The following UFD1 variants were observed in gnomAD, a reference collection of about 807,000 sequenced individuals.
UFD1 encodes the protein ubiquitin recognition factor in ER-associated degradation protein 1.
UFD1 carries 13 observed loss-of-function variants against 45.9 expected under a neutral mutation model. That is an observed-to-expected ratio of 0.28 (90% CI 0.18 to 0.45). UFD1 has a LOEUF of 0.45. Ranked by LOEUF, UFD1 falls within the 20% of genes least tolerant of loss-of-function variation. The pLI, the probability that UFD1 is intolerant of heterozygous loss-of-function variation, is 1.00. For missense variants in UFD1, 218 were observed against 389.2 expected, an observed-to-expected ratio of 0.56 and a Z score of 3.70; for synonymous variants, 128 against 139.2, an observed-to-expected ratio of 0.92 and a Z score of 0.56.
At chr22:19,468,902 A>C (rs566887835) in intron 4 of UFD1, among the ~76,000 whole-genome samples, 3 of 152,286 alleles carry the variant, frequency 2.0e-5, no homozygotes, top group African/African-American at 7.2e-5. Flanking sequence ...TTTAACAGCC[A>C]AGGGAAAAGG....
intron 6 of UFD1, among the ~76,000 whole-genome samples, chr22:19,460,246 A>G (rs1293436903): frequency 6.6e-6 from 1 of 152,178 alleles, no homozygotes. Context: ...TGTTAATGAC[A>G]CTACTATAAA....
chr22:19,453,819 G>T, intron 11 of UFD1: 8 of 985,528 alleles, frequency 8.1e-6, no homozygotes, highest in Non-Finnish European at 9.6e-6. Context: ...GTAGCAGCTG[G>T]TCCTGAATGG....
intron 1 of UFD1, chr22:19,478,712 C>T (rs13447177): frequency 0.094 from 17,922 of 190,954 alleles, 675 homozygotes; most frequent in Admixed American, 0.13. Context: ...ACGGATTCTC[C>T]CTGGGGAGCG....
intron 2 of UFD1, 84 bp from the exon 3 acceptor site, chr22:19,475,184 A>C (rs1457762572): frequency 7.2e-7 from 1 of 1,394,012 alleles, no homozygotes; most frequent in Admixed American, 2.2e-5. Context: ...TTTATATCTA[A>C]CAAAAAGCCT....
At chr22:19,451,324 C>T in intron 11 of UFD1, 3 of 985,432 alleles carry the variant, frequency 3.0e-6, no homozygotes, top group Non-Finnish European at 3.6e-6. Context: ...AGTTTTCTAC[C>T]AGTGGACATT....
At chr22:19,468,868 C>T (rs1022531544) in intron 4 of UFD1, among the ~76,000 whole-genome samples, 2 of 152,096 alleles carry the variant, frequency 1.3e-5, no homozygotes, top group African/African-American at 4.8e-5. Context: ...AATGTTTCAT[C>T]GGGAGTGGCA....
rs5746742 is a variant in UFD1, at chr22:19,467,853, C to A, written c.422+20G>T. 3.7e-6 allele frequency: 6 copies of A among 1,613,046 alleles called. No individual in the cohort carries two copies. The African/African-American group carries it at 6.7e-5, about 18-fold the overall frequency. On this transcript the variant is annotated intron_variant, in intron 5 of 11. Transcript: ENST00000263202. ...CACTCTCCTTTGTCTAGAAGAACTC[C>A]GCTTATTTGAAAAAGATACACGGCT...
intron 11 of UFD1, chr22:19,454,404 A>T: frequency 2.4e-6 from 2 of 825,228 alleles, no homozygotes; most frequent in African/African-American, 1.9e-5. Flanking sequence ...CTGAGTCATG[A>T]GGGCGGGTCT....
At chr22:19,460,113 A>C (rs1234130838) in intron 6 of UFD1, among the ~76,000 whole-genome samples, 1 of 152,134 alleles carries the variant, frequency 6.6e-6, no homozygotes, top group African/African-American at 2.4e-5. Context: ...AAGCAGGGCC[A>C]AATCTACTTT....
intron 11 of UFD1, chr22:19,454,399 T>C (rs2089706412): frequency 1.2e-6 from 1 of 858,200 alleles, no homozygotes; most frequent in Admixed American, 5.5e-5. Context: ...GGTAACTGAG[T>C]CATGAGGGCG....
At chr22:19,476,125 G>A (rs974973265) in intron 1 of UFD1, among the ~76,000 whole-genome samples, 1 of 152,156 alleles carries the variant, frequency 6.6e-6, no homozygotes, top group African/African-American at 2.4e-5. Flanking sequence ...GTGTCTGGCA[G>A]TTCTGAAGAC....
At position 19,450,175 on chromosome 22, in the gene UFD1, A is replaced by G. The variant is rs1020989706; in HGVS notation, c.*495T>C. 6.6e-6 allele frequency: 1 copy of G among 152,602 alleles called. No individual in the cohort carries two copies. Among genetic ancestry groups the G allele is most frequent in the African/African-American group, 2.4e-5 (1 of 41,472 alleles). 9.5% of individuals were successfully genotyped at this position (152,602 alleles called of 1,614,324 possible). ...AAAATAGAAACATTCTTTGTCAAATACTTAAATTGCAGCCACAGTAGTGGG... is the reference window on the plus strand; with the variant it reads ...AAAATAGAAACATTCTTTGTCAAATGCTTAAATTGCAGCCACAGTAGTGGG... On this transcript the variant is annotated 3_prime_UTR_variant, in exon 12 of 12. Transcript: ENST00000263202.
At chr22:19,453,829 G>A (rs945700790) in intron 11 of UFD1, 2 of 985,372 alleles carry the variant, frequency 2.0e-6, no homozygotes, top group Admixed American at 1.2e-4. Context: ...GTCCTGAATG[G>A]GTGGCTCAGT....
At chr22:19,456,973 C>A in intron 7 of UFD1, 55 bp from the exon 8 acceptor site, 1 of 1,247,298 alleles carries the variant, frequency 8.0e-7, no homozygotes, top group Non-Finnish European at 1.1e-6. Context: ...CCCTTGGCTT[C>A]CTTTTTTGTT....
chr22:19,455,184 C>T (rs2089713569), intron 10 of UFD1, among the ~76,000 whole-genome samples: 1 of 152,150 alleles, frequency 6.6e-6, no homozygotes, highest in Non-Finnish European at 1.5e-5. Context: ...AACTGACACA[C>T]CTCAGCCCTG....
At chr22:19,456,284 TGTG>T (rs1347744620) in intron 9 of UFD1, among the ~76,000 whole-genome samples, 3 of 152,162 alleles carry the variant, frequency 2.0e-5, no homozygotes, top group Non-Finnish European at 4.4e-5. Flanking sequence ...AGAAAGCAAA[TGTG>T]GTAACTTTTG....
chr22:19,454,666 C>A (rs2089709229), intron 11 of UFD1, 83 bp downstream of exon 11: 1 of 1,603,980 alleles, frequency 6.2e-7, no homozygotes, highest in African/African-American at 1.3e-5. Flanking sequence ...CACACCCCTA[C>A]TCAGAATGCC....
chr22:19,459,041 A>G (rs1260779579), intron 6 of UFD1, among the ~76,000 whole-genome samples: 1 of 152,252 alleles, frequency 6.6e-6, no homozygotes, highest in Non-Finnish European at 1.5e-5. Flanking sequence ...TGAATACTGT[A>G]CTGAAGATCA....
intron 11 of UFD1, 143 bp downstream of exon 11, chr22:19,454,605 AT>A (rs2089708519): frequency 6.7e-7 from 1 of 1,495,776 alleles, no homozygotes; most frequent in African/African-American, 1.4e-5. Flanking sequence ...TCTTTTGTAA[AT>A]TGCCCAGTCT....
Sources: allele counts gnomAD v4.1 joint callset (sites outside exome capture counted in the v4.1 genomes callset), GRCh38; gene constraint gnomAD v4.1.1; transcripts MANE v1.5; gene names NCBI Gene and HGNC (gene_info 2026-07-23, HGNC 2026-07-21).